The following KCTD1 variants were observed in gnomAD, a reference collection of about 807,000 sequenced individuals.
The protein encoded by KCTD1 is potassium channel tetramerization domain containing 1, also known as BTB/POZ domain-containing protein KCTD1.
A neutral mutation model predicts 66.0 loss-of-function variants in KCTD1; 24 were observed. That is an observed-to-expected ratio of 0.36 (90% CI 0.26 to 0.51). The LOEUF is 0.51. KCTD1 is among the 20% of genes least tolerant of loss of function. The pLI is 0.95. For synonymous variants in KCTD1, 511 were observed against 517.2 expected (o/e 0.99, Z 0.16); for missense variants, 943 against 1,205.2 (o/e 0.78, Z 3.22).
Position 26,616,766 on chromosome 18 carries a change from G to A in KCTD1, c.-16+12381C>T, listed in dbSNP as rs371360300. ...ATTCCGGGGCTCAAGTGATCCTCCTGCCTTGGCCTCCAGAGTGCTGGGATT... is the reference window on the plus strand; with the variant it reads ...ATTCCGGGGCTCAAGTGATCCTCCTACCTTGGCCTCCAGAGTGCTGGGATT... On this transcript the variant is annotated intron_variant, in intron 1 of 4. Coordinates refer to the KCTD1 transcript ENST00000317932. 2.0e-5 allele frequency among the ~76,000 whole-genome samples: 3 copies of A among 151,946 alleles called. No homozygotes were observed. The South Asian group carries it at 6.2e-4, about 32-fold the overall frequency.
At chr18:26,515,169 A>G (rs1983589128) in intron 1 of KCTD1, among the ~76,000 whole-genome samples, 1 of 152,260 alleles carries the variant, frequency 6.6e-6, no homozygotes, top group Admixed American at 6.5e-5. Context: ...ATGGAAATGC[A>G]TTAGAAAACC....
At chr18:26,550,557 G>GAC (rs907937404), upstream of KCTD1, among the ~76,000 whole-genome samples, 167 of 83,674 alleles carry the variant, frequency 2.0e-3, 2 homozygotes, top group African/African-American at 8.5e-3. The surrounding 1 kb of genome is among the most constrained non-coding windows in gnomAD (Gnocchi z 5.4). Flanking sequence ...GGAAACACAA[G>GAC]ACACACAGAC....
chr18:26,582,180 G>A (rs1485008030), intron 1 of KCTD1, among the ~76,000 whole-genome samples: 3 of 151,488 alleles, frequency 2.0e-5, no homozygotes, highest in Non-Finnish European at 4.4e-5. Context: ...GCTGAGGTGA[G>A]AGGATCACTT....
chr18:26,551,650 A>C (rs1985571488), upstream of KCTD1, among the ~76,000 whole-genome samples: 1 of 148,744 alleles, frequency 6.7e-6, no homozygotes, highest in Non-Finnish European at 1.5e-5. Context: ...CGACCAAAAG[A>C]AAAAAAAAAG....
intron 1 of KCTD1, among the ~76,000 whole-genome samples, chr18:26,607,211 AT>A (rs1254307647): frequency 6.6e-6 from 1 of 152,078 alleles, no homozygotes; most frequent in Admixed American, 6.6e-5. Context: ...ATTTAAAATA[AT>A]TTTTTTAGAG....
chr18:26,549,392 T>C, upstream of KCTD1: 1 of 985,428 alleles, frequency 1.0e-6, no homozygotes, highest in Non-Finnish European at 1.2e-6. Flanking sequence ...ATTAAAGACC[T>C]GGGGCGCTCC....
At chr18:26,645,668 G>T (rs1008288768) in intron 1 of KCTD1, among the ~76,000 whole-genome samples, 1 of 152,162 alleles carries the variant, frequency 6.6e-6, no homozygotes, top group Non-Finnish European at 1.5e-5. Flanking sequence ...AAAGTGCTAG[G>T]TTTACAGGCA....
At chr18:26,513,537 A>G (rs971552275) in intron 1 of KCTD1, among the ~76,000 whole-genome samples, 1 of 152,218 alleles carries the variant, frequency 6.6e-6, no homozygotes. Flanking sequence ...AAGGTACCTA[A>G]ACTCAGAACG....
chr18:26,455,551 C>T lies in KCTD1; in HGVS notation c.*192G>A. 1 of 393,080 alleles carries T rather than the reference C, an allele frequency of 2.5e-6. No homozygotes were observed. The highest frequency in any genetic ancestry group is 4.4e-6 in the Non-Finnish European group (1 of 227,084). 24.3% of individuals were successfully genotyped at this position (393,080 alleles called of 1,614,324 possible). A position where few individuals can be genotyped will look rare whatever the true frequency, so the allele number is the denominator to read the frequency against. On this transcript the variant is annotated 3_prime_UTR_variant, in exon 5 of 5. Coordinates refer to ENST00000580059, the MANE Select transcript of KCTD1 (RefSeq NM_001142730.3). Reference sequence around the variant, plus strand: ...TATATATATATTTATATATTTTTTACACCTTGAGGATATCACTATTCCAAT... The same window carrying T: ...TATATATATATTTATATATTTTTTATACCTTGAGGATATCACTATTCCAAT...
In KCTD1 at chr18:26,532,261, C is replaced by CTTTTTTTTTTTTTTTTTTTTTTT. The variant is rs533359603; in HGVS notation, c.1809+14444_1809+14466dup. Among the ~76,000 whole-genome samples the CTTTTTTTTTTTTTTTTTTTTTTT allele has an allele frequency of 4.7e-4, 14 of 29,558 alleles. 2 individuals are homozygous for CTTTTTTTTTTTTTTTTTTTTTTT. Among genetic ancestry groups the CTTTTTTTTTTTTTTTTTTTTTTT allele is most frequent in the Admixed American group, 9.3e-4 (2 of 2,140 alleles). 19.4% of individuals were successfully genotyped at this position (29,558 alleles called of 152,430 possible). On this transcript the variant is annotated intron_variant, in intron 1 of 4. Transcript: ENST00000580059. ...CTTTTTCTTTTTCTTTTCTTTCCTT[C>CTTTTTTTTTTTTTTTTTTTTTTT]TTTTTTTTTTTTTTTTTTTTTTTTT...
At chr18:26,570,246 G>A (rs2144896371) in intron 1 of KCTD1, among the ~76,000 whole-genome samples, 1 of 149,362 alleles carries the variant, frequency 6.7e-6, no homozygotes, top group East Asian at 2.0e-4. Flanking sequence ...TAAGGACAGG[G>A]GAAATCATGT....
chr18:26,506,340 G>T (rs534728024), intron 1 of KCTD1, among the ~76,000 whole-genome samples: 1 of 152,130 alleles, frequency 6.6e-6, no homozygotes, highest in Non-Finnish European at 1.5e-5. Context: ...GAGGAAGGCC[G>T]GGCTACTATG....
chr18:26,518,095 A>G (rs1264006443), intron 1 of KCTD1, among the ~76,000 whole-genome samples: 1 of 152,248 alleles, frequency 6.6e-6, no homozygotes, highest in East Asian at 1.9e-4. Flanking sequence ...GCACAGAGCA[A>G]GACACTCAGT....
At chr18:26,643,763 C>T (rs189043867), upstream of KCTD1, among the ~76,000 whole-genome samples, 8 of 152,122 alleles carry the variant, frequency 5.3e-5, no homozygotes, top group Middle Eastern at 3.2e-3. Context: ...GAGATGGAGA[C>T]CATCCTGGCT....
intron 2 of KCTD1, among the ~76,000 whole-genome samples, chr18:26,478,926 T>G (rs934887041): frequency 1.3e-5 from 2 of 152,236 alleles, no homozygotes; most frequent in Admixed American, 1.3e-4. Flanking sequence ...CTTAAAAGAC[T>G]GCAAGTGCTA....
At chr18:26,593,805 ACAAGGAGCAGGAGGAGAAGGACAAGGAG>A (rs1986700372) in intron 1 of KCTD1, among the ~76,000 whole-genome samples, 1 of 147,890 alleles carries the variant, frequency 6.8e-6, no homozygotes, top group African/African-American at 2.5e-5. Context: ...GAGGAGGAAG[ACAAGGAGCAGGAGGAGAAGGACAAGGAG>A]GGAGGAGGAA....
chr18:26,515,790 G>C (rs112329466), intron 1 of KCTD1, among the ~76,000 whole-genome samples: 1 of 152,104 alleles, frequency 6.6e-6, no homozygotes, highest in African/African-American at 2.4e-5. Flanking sequence ...GATTACAGGC[G>C]TGAGCCACAA....
intron 1 of KCTD1, among the ~76,000 whole-genome samples, chr18:26,573,443 G>A (rs750810504): frequency 1.4e-4 from 21 of 152,224 alleles, no homozygotes; most frequent in Non-Finnish European, 1.8e-4. Context: ...TAAAAAAATC[G>A]TGATGCTGCC....
At chr18:26,620,194 A>T (rs974001086) in intron 1 of KCTD1, among the ~76,000 whole-genome samples, 1 of 151,832 alleles carries the variant, frequency 6.6e-6, no homozygotes, top group African/African-American at 2.4e-5. Flanking sequence ...GAATGCGGGG[A>T]CTGATGACTG....
Sources: gnomAD v4.1 joint callset for allele counts (sites outside exome capture counted in the v4.1 genomes callset) on GRCh38, gnomAD v4.1.1 for gene constraint, Gnocchi (gnomAD v3.1) non-coding constraint, MANE v1.5 for transcripts, NCBI Gene and HGNC (gene_info 2026-07-23, HGNC 2026-07-21) for gene names.